EPB41L2: variants seen among roughly 807,000 people sequenced by gnomAD.
EPB41L2 encodes band 4.1-like protein 2.
Under a neutral mutation model 113.0 loss-of-function variants are expected in EPB41L2, and 43 were observed. The ratio of observed to expected loss-of-function variants is 0.38; its 90% CI spans 0.30 to 0.49. The LOEUF is 0.49. Among genes scored for constraint, EPB41L2 ranks in the 20% least tolerant of loss-of-function variants. EPB41L2 has a pLI of 0.95. For synonymous variants in EPB41L2, 442 were observed against 436.7 expected (o/e 1.01, Z -0.15); for missense variants, 1,147 against 1,223.4 (o/e 0.94, Z 0.93).
chr6:130,893,681 C>T (rs767498990), intron 10 of EPB41L2, among the ~76,000 whole-genome samples: 4 of 152,136 alleles, frequency 2.6e-5, no homozygotes, highest in African/African-American at 9.7e-5. Context: ...TTTAAGGTAG[C>T]ACTTGGACAG....
At chr6:131,015,123 T>C (rs1300609944) in intron 1 of EPB41L2, among the ~76,000 whole-genome samples, 1 of 152,214 alleles carries the variant, frequency 6.6e-6, no homozygotes, top group Non-Finnish European at 1.5e-5. Context: ...TAAACCAGGC[T>C]ATCTTTCATC....
intron 1 of EPB41L2, among the ~76,000 whole-genome samples, chr6:131,059,113 A>T (rs1798168166): frequency 4.2e-5 from 3 of 71,378 alleles, no homozygotes; most frequent in African/African-American, 1.2e-4. Flanking sequence ...CTTACCTATA[A>T]CTTTTTTTTT....
At chr6:130,909,281 A>T (rs1045651166) in intron 4 of EPB41L2, among the ~76,000 whole-genome samples, 1 of 152,236 alleles carries the variant, frequency 6.6e-6, no homozygotes, top group African/African-American at 2.4e-5. Flanking sequence ...CTGTTGGCTA[A>T]AAGTATATAC....
intron 1 of EPB41L2, among the ~76,000 whole-genome samples, chr6:131,051,671 G>T (rs1251149492): frequency 6.6e-6 from 1 of 152,126 alleles, no homozygotes; most frequent in Non-Finnish European, 1.5e-5. Context: ...AAGAATTGGA[G>T]GTTCCAGATA....
intron 1 of EPB41L2, among the ~76,000 whole-genome samples, chr6:131,031,514 T>C (rs1240789803): frequency 6.6e-6 from 1 of 152,194 alleles, no homozygotes; most frequent in Non-Finnish European, 1.5e-5. Flanking sequence ...GAAATTTTAC[T>C]AATAATAAAT....
chr6:130,876,535 T>C (rs1455456687), intron 14 of EPB41L2: 4 of 363,296 alleles, frequency 1.1e-5, no homozygotes, highest in Non-Finnish European at 2.0e-5. Flanking sequence ...ACAGGGGATT[T>C]AACTTTTTAA....
At chr6:131,024,595 C>T (rs896814409) in intron 1 of EPB41L2, among the ~76,000 whole-genome samples, 65 of 152,218 alleles carry the variant, frequency 4.3e-4, no homozygotes, top group African/African-American at 1.5e-3. Flanking sequence ...TCCCTGACTG[C>T]ACCAAGAGCT....
At chr6:130,955,580 C>A (rs1817180054) in intron 2 of EPB41L2, among the ~76,000 whole-genome samples, 1 of 152,144 alleles carries the variant, frequency 6.6e-6, no homozygotes, top group Non-Finnish European at 1.5e-5. Context: ...ATTTAAGTAT[C>A]ATCTCAAATA....
chr6:130,989,090 AAAAC>A (rs140841341), intron 1 of EPB41L2, among the ~76,000 whole-genome samples: 73,641 of 151,322 alleles, frequency 0.49, 19,173 homozygotes, highest in East Asian at 0.92. Flanking sequence ...CTCTGTCTCA[AAAAC>A]AAACAAACAA....
At chr6:130,952,534 A>G (rs574865175) in intron 3 of EPB41L2, among the ~76,000 whole-genome samples, 8 of 152,134 alleles carry the variant, frequency 5.3e-5, no homozygotes, top group African/African-American at 1.9e-4. Context: ...TAAATGTTCT[A>G]TTTTGTTAAA....
chr6:130,913,784 A>G (rs1800131179), intron 4 of EPB41L2, among the ~76,000 whole-genome samples: 3 of 152,336 alleles, frequency 2.0e-5, no homozygotes, highest in Non-Finnish European at 2.9e-5. Context: ...ACAAAGAAAT[A>G]ACAAACAAAA....
chr6:131,009,424 C>A (rs1786390882), intron 1 of EPB41L2, among the ~76,000 whole-genome samples: 1 of 152,132 alleles, frequency 6.6e-6, no homozygotes, highest in Non-Finnish European at 1.5e-5. Context: ...GACTAATACA[C>A]AGACCCTTAG....
intron 1 of EPB41L2, among the ~76,000 whole-genome samples, chr6:131,059,207 C>T (rs188518217): frequency 3.3e-5 from 5 of 151,614 alleles, no homozygotes; most frequent in South Asian, 2.1e-4. Flanking sequence ...CTCTGCCTCC[C>T]GGGTTCACGC....
At chr6:130,893,260 G>A (rs1402847618) in intron 10 of EPB41L2, among the ~76,000 whole-genome samples, 3 of 152,062 alleles carry the variant, frequency 2.0e-5, no homozygotes, top group African/African-American at 7.2e-5. Context: ...TTACAAAGCA[G>A]GATAATTTAA....
At chr6:130,926,932 C>A (rs980988555) in intron 3 of EPB41L2, among the ~76,000 whole-genome samples, 1 of 152,122 alleles carries the variant, frequency 6.6e-6, no homozygotes, top group Admixed American at 6.5e-5. Context: ...AAGCAAGCAC[C>A]GTCTGCTTTA....
intron 1 of EPB41L2, among the ~76,000 whole-genome samples, chr6:130,967,994 T>A (rs1029841340): frequency 2.6e-5 from 4 of 152,192 alleles, no homozygotes; most frequent in African/African-American, 9.6e-5. Flanking sequence ...CCCATGATCA[T>A]GACAGATGCC....
At chr6:130,955,777 T>C (rs73774329) in intron 2 of EPB41L2, among the ~76,000 whole-genome samples, 21 of 152,254 alleles carry the variant, frequency 1.4e-4, no homozygotes, top group African/African-American at 5.1e-4. Context: ...GTTACAGACA[T>C]GAATTTTTTA....
chr6:130,981,942 C>T (rs1282925427), intron 1 of EPB41L2, among the ~76,000 whole-genome samples: 2 of 151,944 alleles, frequency 1.3e-5, no homozygotes, highest in Admixed American at 1.3e-4. Flanking sequence ...CCATCACCAG[C>T]AGGAAATTTG....
intron 1 of EPB41L2, among the ~76,000 whole-genome samples, chr6:130,979,520 T>C (rs72985722): frequency 0.099 from 14,086 of 141,844 alleles, 814 homozygotes; most frequent in Admixed American, 0.14. Flanking sequence ...AAAAGGAAAC[T>C]GGTTAAGATG....
Sources: allele counts gnomAD v4.1 joint callset (sites outside exome capture counted in the v4.1 genomes callset), GRCh38; gene constraint gnomAD v4.1.1; transcripts MANE v1.5; gene names NCBI Gene and HGNC (gene_info 2026-07-23, HGNC 2026-07-21).